LEKR1: variants seen among roughly 807,000 people sequenced by gnomAD.
LEKR1 encodes the protein leucine, glutamate and lysine rich 1.
Under a neutral mutation model 72.4 loss-of-function variants are expected in LEKR1, and 59 were observed. That is an observed-to-expected ratio of 0.82 (90% confidence interval 0.66 to 1.01). The LOEUF (loss-of-function observed/expected upper bound fraction) is 1.01. LEKR1 is among the 50% of genes least tolerant of loss of function. LEKR1 has a pLI of 0.00. For missense variants in LEKR1, 728 were observed against 759.2 expected (o/e 0.96, Z 0.48); for synonymous variants, 257 against 263.2 (o/e 0.98, Z 0.23).
At chr3:156,889,418 G>C (rs1001880271) in intron 3 of LEKR1, among the ~76,000 whole-genome samples, 1 of 151,968 alleles carries the variant, frequency 6.6e-6, no homozygotes, top group African/African-American at 2.4e-5. Flanking sequence ...ATAATTTGCT[G>C]TGGGTGCTAG....
At chr3:156,875,863 C>T (rs62275187) in intron 3 of LEKR1, among the ~76,000 whole-genome samples, 4,838 of 151,664 alleles carry the variant, frequency 0.032, 116 homozygotes, top group Non-Finnish European at 0.048. Flanking sequence ...GGTAAGGTGG[C>T]GGGTGCCTGT....
At chr3:157,025,423 C>T (rs909806705) in intron 11 of LEKR1, among the ~76,000 whole-genome samples, 1 of 151,958 alleles carries the variant, frequency 6.6e-6, no homozygotes, top group East Asian at 1.9e-4. Flanking sequence ...TTAAGGTTTT[C>T]CTGTTTTTAT....
At chr3:156,871,233 T>C (rs1717903775) in intron 3 of LEKR1, among the ~76,000 whole-genome samples, 1 of 152,100 alleles carries the variant, frequency 6.6e-6, no homozygotes, top group South Asian at 2.1e-4. Flanking sequence ...TGCGATAGTT[T>C]ACTGAGAATG....
chr3:156,863,928 G>A (rs1029268926), intron 3 of LEKR1, among the ~76,000 whole-genome samples: 2 of 152,070 alleles, frequency 1.3e-5, no homozygotes, highest in East Asian at 3.9e-4. Flanking sequence ...ACTCAACCAG[G>A]GTTGGTTGAG....
chr3:156,861,255 A>G (rs1716731076), intron 3 of LEKR1, among the ~76,000 whole-genome samples: 1 of 152,156 alleles, frequency 6.6e-6, no homozygotes, highest in Non-Finnish European at 1.5e-5. Flanking sequence ...AACTCCCTTT[A>G]TAAAAGGTCT....
chr3:156,913,997 A>G (rs994741551), intron 3 of LEKR1, among the ~76,000 whole-genome samples: 1 of 152,136 alleles, frequency 6.6e-6, no homozygotes, highest in African/African-American at 2.4e-5. Flanking sequence ...AAGGCAAATC[A>G]TAGTCTCCTA....
At chr3:156,931,599 C>G (rs1418729345) in intron 5 of LEKR1, among the ~76,000 whole-genome samples, 2 of 152,040 alleles carry the variant, frequency 1.3e-5, no homozygotes, top group Non-Finnish European at 2.9e-5. Context: ...CTGCAAAAAA[C>G]TCAGGAGTAC....
chr3:156,933,561 C>G (rs1203825131), intron 5 of LEKR1, among the ~76,000 whole-genome samples: 1 of 152,096 alleles, frequency 6.6e-6, no homozygotes, highest in East Asian at 1.9e-4. Flanking sequence ...GTAATGTTCT[C>G]ATTTTTGAGT....
intron 9 of LEKR1, among the ~76,000 whole-genome samples, chr3:157,000,240 T>C (rs1290440619): frequency 6.6e-6 from 1 of 152,188 alleles, no homozygotes; most frequent in East Asian, 1.9e-4. Context: ...TATCTTCAGA[T>C]GGAAAATAGA....
rs1720297662 is a variant in LEKR1 at position 156,888,163 on chromosome 3, G to A, written c.264-32412G>A. On this transcript the variant is annotated intron_variant, in intron 3 of 12. Transcript: ENST00000356539. ...TGCGTAGGAGGGCTCAAAGAAGGTA[G>A]CAGAGTAGGAGTGGGGAGAGGATTG... The A allele has an allele frequency of 5.0e-6, 3 of 605,558 alleles. No homozygotes were observed. In the Admixed American group the frequency reaches 7.4e-5, roughly 15 times the overall value. 37.5% of individuals were successfully genotyped at this position (605,558 alleles called of 1,614,324 possible).
intron 9 of LEKR1, among the ~76,000 whole-genome samples, chr3:156,996,401 G>A (rs1192714349): frequency 2.6e-5 from 4 of 152,132 alleles, no homozygotes; most frequent in South Asian, 2.1e-4. Flanking sequence ...GCAGGGTAGC[G>A]TGGCTAGTGG....
Position 156,942,203 on chromosome 3 carries a change from T to C in LEKR1, c.560-326T>C, listed in dbSNP as rs150588129. On this transcript the variant is annotated intron_variant, in intron 5 of 12. Coordinates refer to ENST00000356539, the MANE Select transcript of LEKR1 (RefSeq NM_001004316.3). ...TCATGTTGCTTAAAAAAAAGATCAT[T>C]TCAATAAAACCTATAACATTACACA... 3.0e-3 allele frequency among the ~76,000 whole-genome samples: 458 copies of C among 152,076 alleles called. 1 individual carries two copies. Among genetic ancestry groups the C allele is most frequent in the Non-Finnish European group, 4.9e-3 (335 of 67,952 alleles).
At chr3:156,860,567 A>C (rs1274607873) in intron 3 of LEKR1, among the ~76,000 whole-genome samples, 2 of 152,174 alleles carry the variant, frequency 1.3e-5, no homozygotes, top group African/African-American at 4.8e-5. Flanking sequence ...AAATTAATGC[A>C]GAGAGTGTGT....
At chr3:156,891,955 A>G (rs1720707568) in intron 3 of LEKR1, among the ~76,000 whole-genome samples, 1 of 152,112 alleles carries the variant, frequency 6.6e-6, no homozygotes, top group Non-Finnish European at 1.5e-5. Flanking sequence ...AAAAGAGAAT[A>G]TTAGAGATCT....
intron 6 of LEKR1, among the ~76,000 whole-genome samples, chr3:156,951,234 G>T (rs1385850158): frequency 6.6e-6 from 1 of 151,714 alleles, no homozygotes; most frequent in Admixed American, 6.6e-5. Context: ...CGACGTGTTA[G>T]CTTCTTGATG....
Position 156,915,399 on chromosome 3 carries a change from T to C in LEKR1, c.264-5176T>C, listed in dbSNP as rs182752521. ...GTGTATAAGCATTTCCTTTTCTACA[T>C]AACCTTGCCAGCATCTGTTATTTTT... On this transcript the variant is annotated intron_variant, in intron 3 of 12. Coordinates refer to ENST00000356539, the MANE Select transcript of LEKR1 (RefSeq NM_001004316.3). Among the ~76,000 whole-genome samples the C allele has an allele frequency of 7.5e-3, 1,138 of 151,618 alleles. 10 individuals are homozygous for C. The highest frequency in any genetic ancestry group is 0.012 in the Admixed American group (189 of 15,234).
intron 7 of LEKR1, among the ~76,000 whole-genome samples, chr3:156,991,408 G>A (rs1193344505): frequency 1.3e-5 from 2 of 151,900 alleles, no homozygotes; most frequent in Non-Finnish European, 1.5e-5. Context: ...TATTGTGTAT[G>A]TTCATGATGG....
chr3:156,855,313 T>G (rs906278885), intron 3 of LEKR1, among the ~76,000 whole-genome samples: 2 of 152,140 alleles, frequency 1.3e-5, no homozygotes, highest in Admixed American at 1.3e-4. Flanking sequence ...TAATATTAGG[T>G]TTTTCTTAAT....
chr3:156,862,255 C>T (rs897560434), intron 3 of LEKR1, among the ~76,000 whole-genome samples: 2 of 152,060 alleles, frequency 1.3e-5, no homozygotes. Flanking sequence ...TCAGCAGTTT[C>T]AGGCCCAGCC....
Sources: allele counts gnomAD v4.1 joint callset (sites outside exome capture counted in the v4.1 genomes callset), GRCh38; gene constraint gnomAD v4.1.1; transcripts MANE v1.5; gene names NCBI Gene and HGNC (gene_info 2026-07-23, HGNC 2026-07-21).